ZNF831: variants seen among roughly 807,000 people sequenced by gnomAD.
ZNF831 encodes zinc finger protein 831.
A neutral mutation model predicts 95.8 loss-of-function variants in ZNF831; 59 were observed. That is an observed-to-expected ratio of 0.62 (90% CI 0.50 to 0.77). The LOEUF (loss-of-function observed/expected upper bound fraction) is 0.77. Among genes scored for constraint, ZNF831 ranks in the 30% least tolerant of loss-of-function variants. The probability of loss-of-function intolerance (pLI) is 0.00; values close to 1 mark genes in which losing one functional copy is unlikely to be tolerated. For missense variants in ZNF831, 2,205 were observed against 2,164.0 expected (o/e 1.02, Z -0.38); for synonymous variants, 961 against 925.5 (o/e 1.04, Z -0.70).
At chr20:59,136,877 C>T (rs1979527166) in intron 1 of ZNF831, among the ~76,000 whole-genome samples, 1 of 152,200 alleles carries the variant, frequency 6.6e-6, no homozygotes, top group Admixed American at 6.5e-5. Flanking sequence ...TAGGGATGGC[C>T]TGATGACTAA....
rs2146569773 is a variant in ZNF831 at position 59,192,685 on chromosome 20, G to C, written c.1666G>C (p.Gly556Arg). 1 of 1,566,274 alleles carries C rather than the reference G, an allele frequency of 6.4e-7. No individual in the cohort carries two copies. Among genetic ancestry groups the C allele is most frequent in the Non-Finnish European group, 8.6e-7 (1 of 1,158,324 alleles). The stretch of plus-strand genomic sequence containing the variant: ...ACTAAGCTCGACTGACGTTCCCAGT[G>C]GGCATCCCCGGGCCCTGGTCAGACA... ...SGLSSTDVPS[G>R]HPRALVRQAA... Residue 556 changes from glycine to arginine, a missense_variant, in exon 2 of 6, where the codon GGG becomes CGG. Coordinates refer to ENST00000371030, the MANE Select transcript of ZNF831 (RefSeq NM_178457.3). This position sits in a 1 kb window ranked among gnomAD's most constrained non-coding sequence, Gnocchi z 5.2.
chr20:59,232,806 G>T (rs1986796794), intron 4 of ZNF831, among the ~76,000 whole-genome samples: 2 of 152,160 alleles, frequency 1.3e-5, no homozygotes, highest in Admixed American at 1.3e-4. Context: ...CCACAGATGA[G>T]TGAATCAGAT....
At chr20:59,248,475 A>G (rs1987725398) in intron 4 of ZNF831, among the ~76,000 whole-genome samples, 1 of 152,240 alleles carries the variant, frequency 6.6e-6, no homozygotes, top group African/African-American at 2.4e-5. Context: ...TGCAGGGTCA[A>G]AAACAAATTA....
intron 1 of ZNF831, among the ~76,000 whole-genome samples, chr20:59,171,553 T>C (rs1231696202): frequency 1.3e-5 from 2 of 152,252 alleles, no homozygotes; most frequent in African/African-American, 4.8e-5. Context: ...GCAGTCATTG[T>C]ACTCAGCACA....
chr20:59,146,078 A>G (rs1979843973), intron 1 of ZNF831, among the ~76,000 whole-genome samples: 1 of 152,098 alleles, frequency 6.6e-6, no homozygotes, highest in South Asian at 2.1e-4. Context: ...TCAGCAGGCA[A>G]ACCATATCAC....
At chr20:59,183,532 G>C (rs914472065) in intron 1 of ZNF831, among the ~76,000 whole-genome samples, 1 of 152,056 alleles carries the variant, frequency 6.6e-6, no homozygotes, top group African/African-American at 2.4e-5. Flanking sequence ...TCTCTTTTTG[G>C]TGATGATTGA....
chr20:59,200,972 G>C (rs1984490029), intron 3 of ZNF831, among the ~76,000 whole-genome samples: 1 of 152,118 alleles, frequency 6.6e-6, no homozygotes. Context: ...ATGGACATAT[G>C]CTTTAAATTA....
chr20:59,149,870 C>A (rs1473561550), intron 2 of ZNF831, among the ~76,000 whole-genome samples: 1 of 152,242 alleles, frequency 6.6e-6, no homozygotes, highest in African/African-American at 2.4e-5. Context: ...TGAGCCGAGG[C>A]CCTGAGGGGG....
chr20:59,132,101 T>G (rs1979366592), intron 1 of ZNF831, among the ~76,000 whole-genome samples: 1 of 152,240 alleles, frequency 6.6e-6, no homozygotes, highest in Non-Finnish European at 1.5e-5. Flanking sequence ...TTCACACAAG[T>G]GGGAACATTG....
At position 59,191,942 on chromosome 20, in the gene ZNF831, C is replaced by A; in HGVS notation, c.923C>A (p.Thr308Asn). Residue 308 changes from threonine to asparagine, a missense_variant, in exon 2 of 6, where the codon ACC (threonine) becomes AAC (asparagine). Transcript: ENST00000371030. ...WRKLPEQKSP[T>N]AGKPCALQRQ... ...AAGTTGCCAGAGCAGAAGTCGCCGA[C>A]CGCCGGGAAGCCGTGCGCCCTGCAG... 6.2e-7 allele frequency: 1 copy of A among 1,609,478 alleles called. No individual in the cohort carries two copies. The highest frequency in any genetic ancestry group is 8.5e-7 in the Non-Finnish European group (1 of 1,178,638).
intron 1 of ZNF831, among the ~76,000 whole-genome samples, chr20:59,142,742 C>G (rs1247682163): frequency 6.6e-6 from 1 of 152,206 alleles, no homozygotes; most frequent in Non-Finnish European, 1.5e-5. Context: ...TGGTTTTTGA[C>G]AGTAATTTGC....
chr20:59,194,852 A>C lies in ZNF831; in HGVS notation c.3738+95A>C. The stretch of plus-strand genomic sequence containing the variant: ...AGGGAAGGAAGTCTGAAGCCGTCCC[A>C]TGTAGCATCTGCTGTTCACTGCTTG... On this transcript the variant is annotated intron_variant, in intron 2 of 5. Transcript: ENST00000371030. The C allele has an allele frequency of 2.1e-6, 3 of 1,428,736 alleles. No individual in the cohort carries two copies. In the South Asian group the frequency reaches 4.7e-5, roughly 22 times the overall value. The allele number at this position is 1,428,736 out of a possible 1,614,324, so 88.5% of individuals were successfully genotyped here. A position where few individuals can be genotyped will look rare whatever the true frequency, so the allele number is the denominator to read the frequency against.
intron 4 of ZNF831, among the ~76,000 whole-genome samples, chr20:59,226,635 T>G (rs981111614): frequency 2.0e-5 from 3 of 151,006 alleles, no homozygotes; most frequent in Admixed American, 6.6e-5. Context: ...AAAGGCAAAT[T>G]TCTACTGTAG....
intron 1 of ZNF831, among the ~76,000 whole-genome samples, chr20:59,166,157 C>T (rs1056830865): frequency 1.3e-5 from 2 of 151,936 alleles, no homozygotes; most frequent in South Asian, 4.2e-4. Context: ...TATAAGGGTA[C>T]ATAAGAAAAA....
At chr20:59,160,744 A>G (rs1403159840), upstream of ZNF831, 1 of 150,356 alleles carries the variant, frequency 6.7e-6, no homozygotes, top group Non-Finnish European at 1.5e-5. Context: ...TATTCTTTCT[A>G]CCCGTGAGTC....
chr20:59,148,408 G>A lies in ZNF831; in HGVS notation c.-1281+2034G>A, dbSNP rs1338537945. The stretch of plus-strand genomic sequence containing the variant: ...ATGGGTTAGAACAGAGCGGCCGGGC[G>A]CGGTGGCTCACGCCTGTAATCCCAG... On this transcript the variant is annotated intron_variant, in intron 2 of 7. Transcript: ENST00000637017. 2.6e-5 allele frequency among the ~76,000 whole-genome samples: 3 copies of A among 117,090 alleles called. 1 individual carries two copies. Among genetic ancestry groups the A allele is most frequent in the Non-Finnish European group, 3.8e-5 (2 of 52,902 alleles). The allele number at this position is 117,090 out of a possible 152,430, so 76.8% of individuals were successfully genotyped here.
Position 59,192,092 on chromosome 20 carries a change from C to T in ZNF831, c.1073C>T (p.Ala358Val), listed in dbSNP as rs757084623. The T allele has an allele frequency of 6.3e-7, 1 of 1,599,600 alleles. No individual in the cohort carries two copies. Among genetic ancestry groups the T allele is most frequent in the Admixed American group, 1.7e-5 (1 of 59,012 alleles). ...TCCGACAGCGCGGAGCAGCCGCATG[C>T]GCCCTGCAGCCCCCTGCACAGCCTT... ...SRSDSAEQPH[A>V]PCSPLHSLSE... The change falls in exon 2 of 6, where the codon GCG becomes GTG. Residue 358 changes from alanine (A) to valine (V), a missense_variant. Coordinates refer to ENST00000371030, the MANE Select transcript of ZNF831 (RefSeq NM_178457.3). The surrounding 1 kb of genome is among the most constrained non-coding windows in gnomAD (Gnocchi z 5.2).
intron 1 of ZNF831, among the ~76,000 whole-genome samples, chr20:59,168,670 T>C (rs1300382671): frequency 6.6e-6 from 1 of 152,120 alleles, no homozygotes; most frequent in Non-Finnish European, 1.5e-5. Context: ...TTTTTCCTGA[T>C]CTTAGGGAGA....
rs1983960672 is a variant in ZNF831 at position 59,194,763 on chromosome 20, G to A, written c.3738+6G>A. On this transcript the variant is annotated splice_donor_region_variant and intron_variant, in intron 2 of 5. Coordinates refer to ENST00000371030, the MANE Select transcript of ZNF831 (RefSeq NM_178457.3). ...GGCCGGCGCAGATGTCCAAGGTAAAGCTGGGCTTTGCCCCAGGGCCCGGGG... is the reference window on the plus strand; with the variant it reads ...GGCCGGCGCAGATGTCCAAGGTAAAACTGGGCTTTGCCCCAGGGCCCGGGG... 1 of 1,543,114 alleles carries A rather than the reference G, an allele frequency of 6.5e-7. No homozygotes were observed. Among genetic ancestry groups the A allele is most frequent in the Non-Finnish European group, 8.7e-7 (1 of 1,147,150 alleles).
Sources: gnomAD v4.1 joint callset for allele counts (sites outside exome capture counted in the v4.1 genomes callset) on GRCh38, gnomAD v4.1.1 for gene constraint, Gnocchi (gnomAD v3.1) non-coding constraint, MANE v1.5 for transcripts, NCBI Gene and HGNC (gene_info 2026-07-23, HGNC 2026-07-21) for gene names.